PARD3: variants seen among roughly 807,000 people sequenced by gnomAD.
The protein encoded by PARD3 is partitioning defective 3 homolog.
Under a neutral mutation model 155.4 loss-of-function variants are expected in PARD3, and 75 were observed. That is an observed-to-expected ratio of 0.48 (90% CI 0.40 to 0.58). PARD3 has a LOEUF of 0.58. Among genes scored for constraint, PARD3 ranks in the 20% least tolerant of loss-of-function variants. PARD3 has a pLI of 0.00. For missense variants in PARD3, 1,642 were observed against 1,721.7 expected, an observed-to-expected ratio of 0.95 and a Z score of 0.82; for synonymous variants, 576 against 610.5, an observed-to-expected ratio of 0.94 and a Z score of 0.83.
At chr10:34,541,094 T>C (rs1397951415) in intron 2 of PARD3, among the ~76,000 whole-genome samples, 5 of 152,164 alleles carry the variant, frequency 3.3e-5, no homozygotes, top group Non-Finnish European at 7.3e-5. Context: ...TACCATGAAA[T>C]GCAATATAGA....
In PARD3 at chr10:34,728,579, T is replaced by G. The variant is rs767045704; in HGVS notation, c.121-32160A>C. On this transcript the variant is annotated intron_variant, in intron 1 of 24. Transcript: ENST00000374788. Reference sequence around the variant, plus strand: ...ACTGACACACTTGTGTTTGTCCTAATGCTGCTAATCAGTTTCCAGTAAATA... The same window carrying G: ...ACTGACACACTTGTGTTTGTCCTAAGGCTGCTAATCAGTTTCCAGTAAATA... Among the ~76,000 whole-genome samples, 24 of 152,250 alleles carry G rather than the reference T, an allele frequency of 1.6e-4. 1 individual carries two copies. The highest frequency in any genetic ancestry group is 1.5e-4 in the Non-Finnish European group (10 of 68,046).
chr10:34,324,401 A>G (rs1958559955), intron 19 of PARD3, among the ~76,000 whole-genome samples: 1 of 152,196 alleles, frequency 6.6e-6, no homozygotes, highest in Admixed American at 6.5e-5. Flanking sequence ...GTCGGGGGAA[A>G]AGTTTCTTGG....
intron 3 of PARD3, among the ~76,000 whole-genome samples, chr10:34,506,576 G>C (rs760240432): frequency 9.2e-5 from 14 of 152,164 alleles, no homozygotes; most frequent in Non-Finnish European, 1.0e-4. Context: ...ACACTGAAGA[G>C]AGTATAATGT....
chr10:34,455,722 G>A (rs1461921239), intron 4 of PARD3, among the ~76,000 whole-genome samples: 1 of 152,006 alleles, frequency 6.6e-6, no homozygotes, highest in East Asian at 1.9e-4. Flanking sequence ...TGCCTATTAA[G>A]ACTTTTTTTT....
In PARD3 at chr10:34,794,545, G is replaced by C. The variant is rs531343484; in HGVS notation, c.120+20331C>G. Reference sequence around the variant, plus strand: ...TCATTAGTAGAATGATGAAATTACTGCATTCCCACCTCTGTGTATGAACTT... The same window carrying C: ...TCATTAGTAGAATGATGAAATTACTCCATTCCCACCTCTGTGTATGAACTT... On this transcript the variant is annotated intron_variant, in intron 1 of 24. Coordinates refer to ENST00000374788, the MANE Select transcript of PARD3 (RefSeq NM_001184785.2). 2.6e-5 allele frequency among the ~76,000 whole-genome samples: 4 copies of C among 152,300 alleles called. No homozygotes were observed. In the South Asian group the frequency reaches 8.3e-4, roughly 32 times the overall value.
intron 22 of PARD3, among the ~76,000 whole-genome samples, chr10:34,235,493 G>C (rs1953172726): frequency 6.6e-6 from 1 of 152,170 alleles, no homozygotes; most frequent in African/African-American, 2.4e-5. Context: ...TTTTGTGATG[G>C]ATATGGCATT....
chr10:34,249,074 C>G (rs1674223255), intron 22 of PARD3, among the ~76,000 whole-genome samples: 1 of 152,002 alleles, frequency 6.6e-6, no homozygotes, highest in Non-Finnish European at 1.5e-5. Flanking sequence ...TAAGGGAGAC[C>G]AGCATTACGT....
intron 22 of PARD3, among the ~76,000 whole-genome samples, chr10:34,221,511 C>T (rs1416932668): frequency 6.6e-6 from 1 of 151,162 alleles, no homozygotes; most frequent in African/African-American, 2.4e-5. Context: ...ACCTCACGTA[C>T]TTATTTTTTT....
intron 4 of PARD3, among the ~76,000 whole-genome samples, chr10:34,456,166 A>T (rs189986058): frequency 4.9e-4 from 75 of 152,368 alleles, no homozygotes; most frequent in African/African-American, 1.8e-3. Context: ...GATAATTAAT[A>T]GTTTGCTAAA....
rs1375516243 is a variant in PARD3, at chr10:34,814,954, C to A, written c.42G>T (p.Val14=). 6 of 1,563,496 alleles carry A rather than the reference C, an allele frequency of 3.8e-6. No homozygotes were observed. The African/African-American group carries it at 7.1e-5, about 18-fold the overall frequency. Residue 14 remains valine, a synonymous_variant, in exon 1 of 25, where the codon GTG becomes GTT. Coordinates refer to ENST00000374788, the MANE Select transcript of PARD3 (RefSeq NM_001184785.2). ...TVCFGRTRVV[V]PCGDGHMKVF... ...CTTTCATGTGGCCGTCCCCGCACGGCACGACCACCCGGGTCCGTCCGAAGC... is the reference window on the plus strand; with the variant it reads ...CTTTCATGTGGCCGTCCCCGCACGGAACGACCACCCGGGTCCGTCCGAAGC...
intron 23 of PARD3, among the ~76,000 whole-genome samples, 170 bp downstream of exon 23, chr10:34,131,293 T>C (rs913174741): frequency 6.6e-6 from 1 of 152,192 alleles, no homozygotes; most frequent in Admixed American, 6.5e-5. Flanking sequence ...AAAATGAAAT[T>C]AGCAATGATG....
intron 1 of PARD3, among the ~76,000 whole-genome samples, chr10:34,803,256 CAA>C (rs1435788705): frequency 1.1e-5 from 1 of 88,334 alleles, no homozygotes. Flanking sequence ...TAAATAATAA[CAA>C]AAAAAAAAAA....
At chr10:34,315,143 G>T (rs2134115770) in intron 20 of PARD3, among the ~76,000 whole-genome samples, 1 of 152,300 alleles carries the variant, frequency 6.6e-6, no homozygotes, top group South Asian at 2.1e-4. Flanking sequence ...TTTCATTATA[G>T]GTTATGGGTA....
intron 2 of PARD3, among the ~76,000 whole-genome samples, chr10:34,538,550 G>A (rs1409465440): frequency 6.6e-6 from 1 of 152,222 alleles, no homozygotes; most frequent in African/African-American, 2.4e-5. Flanking sequence ...CCACTGCTGG[G>A]ATGTTTATTC....
intron 4 of PARD3, among the ~76,000 whole-genome samples, chr10:34,458,493 G>A (rs932996182): frequency 6.6e-6 from 1 of 152,116 alleles, no homozygotes; most frequent in African/African-American, 2.4e-5. Context: ...GTGAGCCACT[G>A]TGCCCAGCCT....
At position 34,433,860 on chromosome 10, in the gene PARD3, G is replaced by A. The variant is rs1226531649; in HGVS notation, c.714+16457C>T. On this transcript the variant is annotated intron_variant, in intron 5 of 24. Coordinates refer to ENST00000374788, the MANE Select transcript of PARD3 (RefSeq NM_001184785.2). ...AGCATGGTTACGCTAGGCTGCAAAC[G>A]TATGTGACAGAGACCCAATGCCTCC... Among the ~76,000 whole-genome samples the A allele has an allele frequency of 2.0e-5, 3 of 152,244 alleles. No individual in the cohort carries two copies. In the East Asian group the frequency reaches 5.8e-4, roughly 29 times the overall value.
intron 2 of PARD3, among the ~76,000 whole-genome samples, chr10:34,689,264 C>T (rs970295881): frequency 1.3e-5 from 2 of 152,130 alleles, no homozygotes; most frequent in African/African-American, 4.8e-5. Flanking sequence ...GTCAGAGCCA[C>T]GGAAAAGAGC....
chr10:34,692,891 GAAC>G (rs2094096340), intron 2 of PARD3, among the ~76,000 whole-genome samples: 1 of 152,058 alleles, frequency 6.6e-6, no homozygotes, highest in African/African-American at 2.4e-5. Context: ...AGTGGACAAA[GAAC>G]AAGAACAGAC....
chr10:34,720,589 G>A (rs2094590005), intron 1 of PARD3, among the ~76,000 whole-genome samples: 1 of 151,962 alleles, frequency 6.6e-6, no homozygotes, highest in Non-Finnish European at 1.5e-5. Context: ...CCTGAGGTCA[G>A]GAGTTCAAGA....
Sources: allele counts gnomAD v4.1 joint callset (sites outside exome capture counted in the v4.1 genomes callset), GRCh38; gene constraint gnomAD v4.1.1; transcripts MANE v1.5; gene names NCBI Gene and HGNC (gene_info 2026-07-23, HGNC 2026-07-21).